Variants in LMX1A observed in about 807,000 individuals in gnomAD.
LMX1A encodes LIM homeobox transcription factor 1-alpha.
In LMX1A, 15 loss-of-function variants were observed where a neutral mutation model predicts 49.1. The observed-to-expected ratio is 0.31, with a 90% CI of 0.20 to 0.47. The LOEUF (loss-of-function observed/expected upper bound fraction) is 0.47. Ranked by LOEUF, LMX1A falls within the 20% of genes least tolerant of loss-of-function variation. LMX1A has a pLI of 1.00. For missense variants in LMX1A, 372 were observed against 475.8 expected, an observed-to-expected ratio of 0.78 and a Z score of 2.03; for synonymous variants, 167 against 185.7, an observed-to-expected ratio of 0.90 and a Z score of 0.82.
intron 4 of LMX1A, among the ~76,000 whole-genome samples, chr1:165,243,653 G>A (rs1319086166): frequency 6.6e-6 from 1 of 152,186 alleles, no homozygotes; most frequent in Non-Finnish European, 1.5e-5. Flanking sequence ...TTGAAGGGTT[G>A]CCCCATGTAG....
chr1:165,213,407 G>C (rs1260656498), intron 5 of LMX1A: 4 of 449,150 alleles, frequency 8.9e-6, no homozygotes, highest in Middle Eastern at 1.1e-3. Context: ...AGGTGTGACA[G>C]GGGCCATTTG....
chr1:165,309,687 G>A (rs10733042), intron 3 of LMX1A, among the ~76,000 whole-genome samples: 132,688 of 152,178 alleles, frequency 0.87, 57,919 homozygotes, highest in Middle Eastern at 0.91. Context: ...GGGACCAGAC[G>A]TTGCTGGATG....
At chr1:165,348,835 C>T (rs1263548544) in intron 3 of LMX1A, among the ~76,000 whole-genome samples, 3 of 152,188 alleles carry the variant, frequency 2.0e-5, no homozygotes, top group South Asian at 2.1e-4. Flanking sequence ...TGCCAATCAG[C>T]GGGTCCAAAG....
intron 4 of LMX1A, among the ~76,000 whole-genome samples, chr1:165,231,784 TAA>T (rs34597024): frequency 2.0e-5 from 3 of 151,694 alleles, no homozygotes; most frequent in African/African-American, 4.8e-5. Context: ...TTACCTGTTC[TAA>T]AAAAAAATCT....
chr1:165,353,043 C>G, intron 3 of LMX1A, 33 bp downstream of exon 3: 1 of 1,603,368 alleles, frequency 6.2e-7, no homozygotes, highest in Non-Finnish European at 8.5e-7. Flanking sequence ...GATGCCAGTG[C>G]GCGGGGAGCG....
chr1:165,337,888 C>CTGGTGTGTG (rs1553213783), intron 3 of LMX1A, among the ~76,000 whole-genome samples: 3 of 146,930 alleles, frequency 2.0e-5, no homozygotes, highest in African/African-American at 7.8e-5. Flanking sequence ...GTGTGTGTTT[C>CTGGTGTGTG]TGTGTGTGTG....
intron 3 of LMX1A, among the ~76,000 whole-genome samples, chr1:165,332,950 C>A (rs887865566): frequency 1.2e-4 from 18 of 152,194 alleles, no homozygotes; most frequent in African/African-American, 4.3e-4. Context: ...GTGCAAAGAG[C>A]ACCGGACTTG....
At chr1:165,353,025 C>T (rs1001514832) in intron 3 of LMX1A, 51 bp downstream of exon 3, 10 of 1,581,316 alleles carry the variant, frequency 6.3e-6, no homozygotes, top group Non-Finnish European at 8.7e-6. Flanking sequence ...AAGTCCTCGA[C>T]GCACACTGAT....
chr1:165,228,696 T>A (rs1285622218), intron 4 of LMX1A, among the ~76,000 whole-genome samples: 1 of 152,174 alleles, frequency 6.6e-6, no homozygotes, highest in Non-Finnish European at 1.5e-5. Context: ...AGAGAAGCAG[T>A]TAGGTAATAA....
At chr1:165,305,462 A>T (rs1378096181) in intron 3 of LMX1A, among the ~76,000 whole-genome samples, 11 of 152,224 alleles carry the variant, frequency 7.2e-5, no homozygotes, top group African/African-American at 2.4e-4. Context: ...AAGCTTAAGT[A>T]TGAAAGGACC....
Position 165,330,679 on chromosome 1 carries a change from G to C in LMX1A, c.263+22397C>G, listed in dbSNP as rs190602138. Among the ~76,000 whole-genome samples, 113 of 152,282 alleles carry C rather than the reference G, an allele frequency of 7.4e-4. 2 individuals carry two copies. Among genetic ancestry groups the C allele is most frequent in the Admixed American group, 4.0e-3 (61 of 15,292 alleles). ...GAAGGAACTGGAACTTGATTTTCCT[G>C]TTCTTACAGGCTTTAGTCATACAGG... On this transcript the variant is annotated intron_variant, in intron 3 of 8. Coordinates refer to ENST00000342310, the MANE Select transcript of LMX1A (RefSeq NM_177398.4).
intron 3 of LMX1A, among the ~76,000 whole-genome samples, chr1:165,345,859 G>A (rs934739742): frequency 2.0e-5 from 3 of 152,168 alleles, no homozygotes; most frequent in African/African-American, 4.8e-5. Flanking sequence ...GCAAGACTCT[G>A]TCGCTACTAA....
chr1:165,322,623 AG>A (rs1655452271), intron 3 of LMX1A, among the ~76,000 whole-genome samples: 1 of 152,208 alleles, frequency 6.6e-6, no homozygotes, highest in Non-Finnish European at 1.5e-5. Flanking sequence ...TATCCAGAAT[AG>A]GCAAATTTAT....
intron 3 of LMX1A, among the ~76,000 whole-genome samples, chr1:165,279,672 A>G (rs914201968): frequency 5.9e-5 from 9 of 152,314 alleles, no homozygotes; most frequent in Non-Finnish European, 7.3e-5. Context: ...CACAAATGGC[A>G]TAGGGCAAAT....
intron 3 of LMX1A, among the ~76,000 whole-genome samples, chr1:165,340,266 C>T (rs757731340): frequency 3.9e-5 from 6 of 152,048 alleles, no homozygotes; most frequent in Non-Finnish European, 7.4e-5. Flanking sequence ...CCACACCTGG[C>T]TAATGTTTTT....
intron 3 of LMX1A, among the ~76,000 whole-genome samples, chr1:165,288,847 G>C (rs1293032152): frequency 6.6e-6 from 1 of 152,208 alleles, no homozygotes; most frequent in Non-Finnish European, 1.5e-5. Flanking sequence ...CAGATGTGTG[G>C]CGGTGCAGTT....
rs1653909530 is a variant in LMX1A at position 165,274,682 on chromosome 1, C to T, written c.264-25042G>A. Among the ~76,000 whole-genome samples the T allele has an allele frequency of 2.0e-5, 3 of 152,316 alleles. No homozygotes were observed. The South Asian group carries it at 6.2e-4, about 32-fold the overall frequency. On this transcript the variant is annotated intron_variant, in intron 3 of 8. Transcript: ENST00000342310. ...GTGGGATGCAGTCTCCAGCCTCAGC[C>T]TCAGGGCTGCTATGTCCCTTGAAAC... is the stretch of plus-strand genomic sequence containing the variant.
intron 4 of LMX1A, among the ~76,000 whole-genome samples, chr1:165,248,061 T>C (rs533718519): frequency 6.6e-6 from 1 of 152,094 alleles, no homozygotes; most frequent in African/African-American, 2.4e-5. Context: ...CTGAAAAGAA[T>C]AAGAAACAAT....
At chr1:165,352,741 C>T (rs66911579) in intron 3 of LMX1A, among the ~76,000 whole-genome samples, 30,717 of 152,174 alleles carry the variant, frequency 0.2, 3,440 homozygotes, top group African/African-American at 0.29. Context: ...AGACCAAGCT[C>T]GAGGGATTCC....
Sources: gnomAD v4.1 joint callset for allele counts (sites outside exome capture counted in the v4.1 genomes callset) on GRCh38, gnomAD v4.1.1 for gene constraint, MANE v1.5 for transcripts, NCBI Gene and HGNC (gene_info 2026-07-23, HGNC 2026-07-21) for gene names.